Variants in TMEM229B observed in about 807,000 individuals in gnomAD.
TMEM229B encodes chromosome 14 open reading frame 83.
Under a neutral mutation model 13.7 loss-of-function variants are expected in TMEM229B, and 6 were observed. That is an observed-to-expected ratio of 0.44 (90% CI 0.24 to 0.86). TMEM229B has a LOEUF of 0.86. Among genes scored for constraint, TMEM229B ranks in the 40% least tolerant of loss-of-function variants. TMEM229B has a pLI of 0.23. For missense variants in TMEM229B, 170 were observed against 236.0 expected, an observed-to-expected ratio of 0.72 and a Z score of 1.83; for synonymous variants, 107 against 102.1, an observed-to-expected ratio of 1.05 and a Z score of -0.29.
intron 1 of TMEM229B, among the ~76,000 whole-genome samples, chr14:67,525,410 T>C (rs1444172558): frequency 1.3e-5 from 2 of 152,240 alleles, no homozygotes; most frequent in African/African-American, 4.8e-5. Flanking sequence ...GAATCATAAT[T>C]TTAATACTTT....
intron 1 of TMEM229B, among the ~76,000 whole-genome samples, chr14:67,498,027 T>C (rs1325623165): frequency 6.6e-6 from 1 of 152,092 alleles, no homozygotes; most frequent in Non-Finnish European, 1.5e-5. Context: ...CCAAAGGAGG[T>C]TGAAGTTCTC....
rs79799805 is a variant in TMEM229B, at chr14:67,527,268, C to T, written c.-192+6368G>A. Among the ~76,000 whole-genome samples the T allele has an allele frequency of 2.0e-3, 304 of 152,256 alleles. 2 individuals carry two copies. The highest frequency in any genetic ancestry group is 3.4e-3 in the Middle Eastern group (1 of 294). On this transcript the variant is annotated intron_variant, in intron 1 of 2. Coordinates refer to the TMEM229B transcript ENST00000554278. The stretch of plus-strand genomic sequence containing the variant: ...GAGCTTAGCCATGACACTTGGTCTT[C>T]GTGAGCCTCAGTCTATGCATCTATA...
At chr14:67,495,086 G>A (rs2032314233) in intron 1 of TMEM229B, among the ~76,000 whole-genome samples, 1 of 152,140 alleles carries the variant, frequency 6.6e-6, no homozygotes, top group Non-Finnish European at 1.5e-5. Context: ...TAAAAAGTTT[G>A]GAGGCAAAAA....
intron 2 of TMEM229B, among the ~76,000 whole-genome samples, chr14:67,478,466 C>G (rs1310550413): frequency 6.6e-6 from 1 of 152,246 alleles, no homozygotes; most frequent in Non-Finnish European, 1.5e-5. Flanking sequence ...GGTCTCCCAG[C>G]TTTGCCTTCT....
upstream of TMEM229B, among the ~76,000 whole-genome samples, chr14:67,517,264 G>T (rs964132667): frequency 2.0e-5 from 3 of 152,166 alleles, no homozygotes; most frequent in African/African-American, 7.2e-5. Flanking sequence ...AGCTGTGGCC[G>T]GCGGCTGGCA....
At chr14:67,530,941 C>A (rs993149912) in intron 1 of TMEM229B, among the ~76,000 whole-genome samples, 6 of 152,208 alleles carry the variant, frequency 3.9e-5, no homozygotes, top group Non-Finnish European at 7.3e-5. Flanking sequence ...GCAGCTAATA[C>A]AATCATTGAA....
chr14:67,496,396 T>TTTTTG (rs2032373883), intron 1 of TMEM229B, among the ~76,000 whole-genome samples: 2 of 117,026 alleles, frequency 1.7e-5, no homozygotes, highest in Non-Finnish European at 3.6e-5. Context: ...CCGGCGTTTT[T>TTTTTG]TTTTTTTTTT....
chr14:67,505,788 C>T lies in TMEM229B; in HGVS notation c.-192+9298G>A, dbSNP rs560740922. 5.6e-4 allele frequency among the ~76,000 whole-genome samples: 85 copies of T among 152,012 alleles called. No individual in the cohort carries two copies. The South Asian group carries it at 0.016, about 29-fold the overall frequency. The stretch of plus-strand genomic sequence containing the variant: ...GTGGTGCGATCTCAGCTCACTGCAA[C>T]CTCTGCCTCCAGGGTTCAAGCAATT... On this transcript the variant is annotated intron_variant, in intron 1 of 2. Transcript: ENST00000357461.
chr14:67,504,383 A>G (rs1205621871), intron 1 of TMEM229B, among the ~76,000 whole-genome samples: 1 of 152,226 alleles, frequency 6.6e-6, no homozygotes, highest in East Asian at 1.9e-4. Flanking sequence ...AAGCATGTTT[A>G]CTGTACTACA....
chr14:67,533,281 G>A (rs999982983), intron 1 of TMEM229B: 4 of 151,974 alleles, frequency 2.6e-5, no homozygotes, highest in Non-Finnish European at 5.9e-5. Context: ...TGCCGGGGAG[G>A]GGAGAACCGG....
At chr14:67,526,506 T>C (rs961972921) in intron 1 of TMEM229B, among the ~76,000 whole-genome samples, 4 of 152,262 alleles carry the variant, frequency 2.6e-5, no homozygotes, top group Non-Finnish European at 4.4e-5. Context: ...ATTCTTTCCA[T>C]CTTTTCCTAG....
rs538342821 is a variant in TMEM229B at position 67,473,486 on chromosome 14, C to T, written c.438G>A (p.Lys146=). The part of the protein sequence containing the change: ...IRNTLRLRFD[K]DAEPGEPSGA... The stretch of plus-strand genomic sequence containing the variant: ...CGCTGGGCTCCCCGGGCTCAGCGTC[C>T]TTGTCGAAGCGGAGGCGGAGGGTGT... The change falls in exon 3 of 3, where the codon AAG becomes AAA. Residue 146 remains lysine (K), a synonymous_variant. Coordinates refer to ENST00000554480, the MANE Select transcript of TMEM229B (RefSeq NM_001348543.2). This position sits in a 1 kb window ranked among gnomAD's most constrained non-coding sequence, Gnocchi z 6.5. The T allele has an allele frequency of 3.1e-6, 5 of 1,614,208 alleles. No homozygotes were observed. The highest frequency in any genetic ancestry group is 2.2e-5 in the East Asian group (1 of 44,874).
chr14:67,475,779 G>A (rs991611581), intron 2 of TMEM229B, among the ~76,000 whole-genome samples: 4 of 152,120 alleles, frequency 2.6e-5, no homozygotes, highest in Admixed American at 1.3e-4. Context: ...CGGCTCCCAT[G>A]CTGCTTCTCT....
At chr14:67,504,589 T>A (rs994266924) in intron 1 of TMEM229B, among the ~76,000 whole-genome samples, 5 of 151,892 alleles carry the variant, frequency 3.3e-5, no homozygotes, top group African/African-American at 1.2e-4. Flanking sequence ...ATCAAAAAAA[T>A]AAATAAAAAA....
intron 1 of TMEM229B, among the ~76,000 whole-genome samples, chr14:67,499,770 T>C (rs992484527): frequency 3.6e-4 from 55 of 152,134 alleles, no homozygotes; most frequent in African/African-American, 1.2e-3. Context: ...GAAGGGCTGG[T>C]TATTTAATGG....
chr14:67,531,287 A>AAAC (rs1207948174), intron 1 of TMEM229B, among the ~76,000 whole-genome samples: 1 of 152,144 alleles, frequency 6.6e-6, no homozygotes, highest in Admixed American at 6.5e-5. Context: ...TCTTAAAAGA[A>AAAC]AACAACAACA....
At chr14:67,479,418 A>AC (rs1002462854) in intron 2 of TMEM229B, among the ~76,000 whole-genome samples, 4 of 150,846 alleles carry the variant, frequency 2.7e-5, no homozygotes, top group African/African-American at 9.8e-5. Flanking sequence ...CTCAAAAAAA[A>AC]AAAAAAATGC....
intron 2 of TMEM229B, among the ~76,000 whole-genome samples, chr14:67,476,359 G>C (rs1008952598): frequency 1.3e-5 from 2 of 152,188 alleles, no homozygotes; most frequent in Non-Finnish European, 2.9e-5. Context: ...GGCTGAGGCG[G>C]GTGGATCACC....
At chr14:67,498,485 A>T (rs1467523392) in intron 1 of TMEM229B, among the ~76,000 whole-genome samples, 4 of 152,206 alleles carry the variant, frequency 2.6e-5, no homozygotes, top group Admixed American at 6.5e-5. Flanking sequence ...TTGAGGCATT[A>T]TACTGACTCT....
Sources: allele counts gnomAD v4.1 joint callset (sites outside exome capture counted in the v4.1 genomes callset), GRCh38; gene constraint gnomAD v4.1.1; non-coding constraint Gnocchi (gnomAD v3.1); transcripts MANE v1.5; gene names NCBI Gene and HGNC (gene_info 2026-07-23, HGNC 2026-07-21).